WNT6: variants seen among roughly 807,000 people sequenced by gnomAD.
The protein encoded by WNT6 is Wnt family member 6, also known as protein Wnt-6.
A neutral mutation model predicts 33.1 loss-of-function variants in WNT6; 27 were observed. The observed-to-expected ratio is 0.82, with a 90% confidence interval of 0.60 to 1.12. The LOEUF is 1.12. WNT6 is among the 50% of genes most tolerant of loss of function. The pLI, the probability that WNT6 is intolerant of heterozygous loss-of-function variation, is 0.00. For missense variants in WNT6, 494 were observed against 535.3 expected (o/e 0.92, Z 0.76); for synonymous variants, 249 against 242.8 (o/e 1.03, Z -0.24).
chr2:218,864,546 C>T (rs551900711), intron 1 of WNT6, among the ~76,000 whole-genome samples: 1 of 152,170 alleles, frequency 6.6e-6, no homozygotes, highest in African/African-American at 2.4e-5. Context: ...GGATAACAGG[C>T]GTGAGCCACC....
chr2:218,861,187 T>G (rs565591121), intron 1 of WNT6, among the ~76,000 whole-genome samples: 1 of 151,724 alleles, frequency 6.6e-6, no homozygotes, highest in Non-Finnish European at 1.5e-5. Context: ...AGATAGGGAG[T>G]AGGATGCCCA....
At chr2:218,860,572 TGAG>T (rs1277826742) in intron 1 of WNT6, among the ~76,000 whole-genome samples, 1 of 152,118 alleles carries the variant, frequency 6.6e-6, no homozygotes, top group Non-Finnish European at 1.5e-5. Flanking sequence ...TCTGGGCTCC[TGAG>T]GAGTGGGCCT....
chr2:218,860,066 GGCTGCTGCT>G lies in WNT6; in HGVS notation c.39_47del (p.Leu15_Leu17del). On this transcript the variant is annotated inframe_deletion, in exon 1 of 4. Transcript: ENST00000233948. Reference sequence around the variant, plus strand: ...CTGCCGCCCTTACCCTCCCGCCTCGGGCTGCTGCTGCTGCTGCTCCTGTGCCCGGCGCAC... The same window carrying G: ...CTGCCGCCCTTACCCTCCCGCCTCGGGCTGCTGCTCCTGTGCCCGGCGCAC... 6.6e-7 allele frequency: 1 copy of G among 1,521,898 alleles called. No homozygotes were observed. Among genetic ancestry groups the G allele is most frequent in the Non-Finnish European group, 8.8e-7 (1 of 1,139,976 alleles). 94.3% of individuals were successfully genotyped at this position (1,521,898 alleles called of 1,614,324 possible). A position where few individuals can be genotyped will look rare whatever the true frequency, so the allele number is the denominator to read the frequency against.
At chr2:218,860,139 C>G in intron 1 of WNT6, 22 bp downstream of exon 1, 1 of 1,506,712 alleles carries the variant, frequency 6.6e-7, no homozygotes, top group South Asian at 1.2e-5. Context: ...TGTCCTGGCG[C>G]GGCTCTGGAC....
Position 218,867,941 on chromosome 2 carries a change from C to CAGACAA in WNT6, c.81-3086_81-3085insAGACAA, listed in dbSNP as rs1944366252. On this transcript the variant is annotated intron_variant, in intron 1 of 3. Coordinates refer to ENST00000233948, the MANE Select transcript of WNT6 (RefSeq NM_006522.4). The surrounding 1 kb of genome is among the most constrained non-coding windows in gnomAD (Gnocchi z 4.9). ...AATGACTTGATCAGAGTGGCTCAGC[C>CAGACAA]CACACAGAGTTGACAGAAACCAGAG... Among the ~76,000 whole-genome samples, 1 of 152,202 alleles carries CAGACAA rather than the reference C, an allele frequency of 6.6e-6. No individual in the cohort carries two copies. The highest frequency in any genetic ancestry group is 1.5e-5 in the Non-Finnish European group (1 of 68,030).
intron 3 of WNT6, among the ~76,000 whole-genome samples, chr2:218,872,925 G>A (rs1241349205): frequency 2.6e-5 from 4 of 152,138 alleles, no homozygotes; most frequent in Non-Finnish European, 5.9e-5. Flanking sequence ...GGTTGGGGAG[G>A]GGTGACGGAG....
intron 1 of WNT6, among the ~76,000 whole-genome samples, chr2:218,868,009 C>T (rs1356062870): frequency 2.6e-5 from 4 of 152,148 alleles, no homozygotes; most frequent in African/African-American, 7.2e-5. Context: ...CCCCCTGCCA[C>T]GCCCCTTCTG....
intron 1 of WNT6, among the ~76,000 whole-genome samples, chr2:218,861,324 C>G (rs530221874): frequency 1.6e-4 from 25 of 152,276 alleles, no homozygotes; most frequent in African/African-American, 6.0e-4. Flanking sequence ...TTTGATCCGG[C>G]TTAGTATAAT....
chr2:218,871,724 G>A lies in WNT6; in HGVS notation c.541G>A (p.Glu181Lys), dbSNP rs745692608. 14 of 1,594,498 alleles carry A rather than the reference G, an allele frequency of 8.8e-6. No homozygotes were observed. Among genetic ancestry groups the A allele is most frequent in the Non-Finnish European group, 1.1e-5 (13 of 1,171,724 alleles). Reference protein sequence around the residue: ...GCGDDVDFGDEKSRLFMDARH... With the variant: ...GCGDDVDFGDKKSRLFMDARH... ...CGGCGACGACGTGGACTTCGGGGAC[G>A]AGAAGTCGAGGCTCTTTATGGACGC... Residue 181 changes from glutamate (E) to lysine (K), a missense_variant, in exon 3 of 4, where the codon GAG (glutamate) becomes AAG (lysine). By Grantham distance (56) the Glu-to-Lys change is moderately conservative. Coordinates refer to ENST00000233948, the MANE Select transcript of WNT6 (RefSeq NM_006522.4). The surrounding 1 kb of genome is among the most constrained non-coding windows in gnomAD (Gnocchi z 6.4).
chr2:218,870,154 G>C (rs1437738906), intron 1 of WNT6, among the ~76,000 whole-genome samples: 4 of 151,906 alleles, frequency 2.6e-5, no homozygotes, highest in Non-Finnish European at 5.9e-5. Context: ...CTGGGCAGTG[G>C]AGGTTGCAGT....
At chr2:218,861,317 G>C (rs1257589498) in intron 1 of WNT6, among the ~76,000 whole-genome samples, 1 of 152,228 alleles carries the variant, frequency 6.6e-6, no homozygotes, top group Non-Finnish European at 1.5e-5. Flanking sequence ...TATGCCCTTT[G>C]ATCCGGCTTA....
intron 1 of WNT6, among the ~76,000 whole-genome samples, chr2:218,861,102 T>C (rs2106001230): frequency 6.6e-6 from 1 of 152,312 alleles, no homozygotes; most frequent in Non-Finnish European, 1.5e-5. Flanking sequence ...TGCCATGTGA[T>C]TGGCTGGATG....
At position 218,871,232 on chromosome 2, in the gene WNT6, C is replaced by G. The variant is rs1219050043; in HGVS notation, c.286C>G (p.Arg96Gly). The change falls in exon 2 of 4, where the codon CGC (arginine) becomes GGC (glycine). Residue 96 changes from arginine (R) to glycine (G), a missense_variant. Coordinates refer to ENST00000233948, the MANE Select transcript of WNT6 (RefSeq NM_006522.4). This position sits in a 1 kb window ranked among gnomAD's most constrained non-coding sequence, Gnocchi z 6.4. ...NCSSHSKAFGRILQQDIRETA... is the reference protein window; with the variant it reads ...NCSSHSKAFGGILQQDIRETA... ...CTCCAGCCACAGCAAGGCCTTTGGA[C>G]GCATCCTGCAACAGGGTCAGTGTGG... 6.2e-7 allele frequency: 1 copy of G among 1,611,108 alleles called. No homozygotes were observed. Among genetic ancestry groups the G allele is most frequent in the Non-Finnish European group, 8.5e-7 (1 of 1,178,264 alleles).
chr2:218,868,841 C>A (rs967652490), intron 1 of WNT6, among the ~76,000 whole-genome samples: 2 of 152,116 alleles, frequency 1.3e-5, no homozygotes, highest in East Asian at 3.9e-4. Context: ...CTAAGTCTTC[C>A]AGGAGATGCA....
chr2:218,872,207 G>T (rs548936563), intron 3 of WNT6, among the ~76,000 whole-genome samples: 2 of 152,268 alleles, frequency 1.3e-5, no homozygotes, highest in African/African-American at 4.8e-5. Flanking sequence ...AGGGGCAGGA[G>T]AATAAAACAA....
chr2:218,860,004 C>G lies in WNT6; in HGVS notation c.-34C>G. The G allele has an allele frequency of 7.1e-7, 1 of 1,416,360 alleles. No individual in the cohort carries two copies. Among genetic ancestry groups the G allele is most frequent in the East Asian group, 3.1e-5 (1 of 32,420 alleles). 87.7% of individuals were successfully genotyped at this position (1,416,360 alleles called of 1,614,324 possible). A position where few individuals can be genotyped will look rare whatever the true frequency, so the allele number is the denominator to read the frequency against. On this transcript the variant is annotated 5_prime_UTR_variant, in exon 1 of 4. Coordinates refer to ENST00000233948, the MANE Select transcript of WNT6 (RefSeq NM_006522.4). ...CCGCGGTTCGCCCCGCAGCCTCGCC[C>G]CCTGCCCACCCGGGCGGCCGTAGGG...
At chr2:218,861,699 C>T (rs1944311393) in intron 1 of WNT6, among the ~76,000 whole-genome samples, 1 of 152,164 alleles carries the variant, frequency 6.6e-6, no homozygotes, top group African/African-American at 2.4e-5. Flanking sequence ...TGGGGTCCCT[C>T]CCTGATGGCC....
At position 218,867,376 on chromosome 2, in the gene WNT6, T is replaced by C. The variant is rs1242991412; in HGVS notation, c.81-3651T>C. Among the ~76,000 whole-genome samples, 1 of 152,100 alleles carries C rather than the reference T, an allele frequency of 6.6e-6. No individual in the cohort carries two copies. Among genetic ancestry groups the C allele is most frequent in the Non-Finnish European group, 1.5e-5 (1 of 68,016 alleles). ...CCCTCTGACTCAAGAGATGGAAAGGTAGGTTAGGCCAGAAACCTAGGACAT... is the reference window on the plus strand; with the variant it reads ...CCCTCTGACTCAAGAGATGGAAAGGCAGGTTAGGCCAGAAACCTAGGACAT... On this transcript the variant is annotated intron_variant, in intron 1 of 3. Transcript: ENST00000233948. The surrounding 1 kb of genome is among the most constrained non-coding windows in gnomAD (Gnocchi z 4.9).
intron 1 of WNT6, among the ~76,000 whole-genome samples, chr2:218,860,666 A>G (rs1052598943): frequency 6.6e-6 from 1 of 152,180 alleles, no homozygotes; most frequent in African/African-American, 2.4e-5. Flanking sequence ...AAGCAAGGAA[A>G]AGGAGGAGCG....
Sources: gnomAD v4.1 joint callset for allele counts (sites outside exome capture counted in the v4.1 genomes callset) on GRCh38, gnomAD v4.1.1 for gene constraint, Gnocchi (gnomAD v3.1) non-coding constraint, MANE v1.5 for transcripts, NCBI Gene and HGNC (gene_info 2026-07-23, HGNC 2026-07-21) for gene names.